Variants in RNF213 observed in about 807,000 individuals in gnomAD.
RNF213 encodes E3 ubiquitin-protein ligase RNF213.
Under a neutral mutation model 514.4 loss-of-function variants are expected in RNF213, and 341 were observed. That is an observed-to-expected ratio of 0.66 (90% CI 0.61 to 0.73). The LOEUF (loss-of-function observed/expected upper bound fraction) is 0.73. Ranked by LOEUF, RNF213 falls within the 30% of genes least tolerant of loss-of-function variation. The pLI, the probability that RNF213 is intolerant of heterozygous loss-of-function variation, is 0.00. For missense variants in RNF213, 5,767 were observed against 6,615.6 expected (o/e 0.87, Z 4.45); for synonymous variants, 2,655 against 2,658.2 (o/e 1.00, Z 0.04).
intron 42 of RNF213, among the ~76,000 whole-genome samples, chr17:80,367,179 T>C (rs1288454529): frequency 6.6e-6 from 1 of 152,196 alleles, no homozygotes; most frequent in Non-Finnish European, 1.5e-5. Flanking sequence ...TGATATCAAG[T>C]TTTAAAACAT....
In RNF213 at chr17:80,354,558, A is replaced by G; in HGVS notation, c.10844A>G (p.Gln3615Arg). ...AREACNQDALQEAGTFRHTLW... is the reference protein window; with the variant it reads ...AREACNQDALREAGTFRHTLW... ...GAAGCCTGCAACCAGGACGCTCTCC[A>G]GGAGGCGGGCACATTCAGGTACTGT... The change falls in exon 36 of 68, where the codon CAG becomes CGG. Residue 3615 changes from glutamine (Q) to arginine (R), a missense_variant. Gln to Arg is a conservative substitution (Grantham distance 43, BLOSUM62 1). Coordinates refer to ENST00000582970, the MANE Select transcript of RNF213 (RefSeq NM_001256071.3). The G allele has an allele frequency of 6.2e-7, 1 of 1,614,238 alleles. No homozygotes were observed. The highest frequency in any genetic ancestry group is 8.5e-7 in the Non-Finnish European group (1 of 1,180,038).
At chr17:80,304,801 C>T (rs1345604921) in intron 11 of RNF213, among the ~76,000 whole-genome samples, 9 of 152,210 alleles carry the variant, frequency 5.9e-5, no homozygotes, top group South Asian at 4.1e-4. Context: ...GCTGTGTAGC[C>T]GTCAGCACCA....
At position 80,358,378 on chromosome 17, in the gene RNF213, A is replaced by G. The variant is rs1159699093; in HGVS notation, c.10953A>G (p.Leu3651=). The stretch of plus-strand genomic sequence containing the variant: ...TCGACAGAGACGGCAACCTAGAGTT[A>G]CTGACCAGGCCAGATACTCCGCCCT... The part of the protein sequence containing the change: ...SFIDRDGNLE[L]LTRPDTPPWA... The change falls in exon 37 of 68, where the codon TTA becomes TTG. Residue 3651 remains leucine, a synonymous_variant. Transcript: ENST00000582970. The G allele has an allele frequency of 1.2e-6, 2 of 1,614,142 alleles. No homozygotes were observed. Among genetic ancestry groups the G allele is most frequent in the Non-Finnish European group, 1.7e-6 (2 of 1,179,984 alleles).
chr17:80,294,830 A>T lies in RNF213; in HGVS notation c.1582A>T (p.Ile528Phe), dbSNP rs758918116. The change falls in exon 9 of 68, where the codon ATT becomes TTT. Residue 528 changes from isoleucine to phenylalanine, a missense_variant. Ile to Phe is a conservative substitution (Grantham distance 21). Transcript: ENST00000582970. ...GAAGGACCTGGTGAAGGGGAAGCAG[A>T]TTGCCGCTGCGCTCATGCTGGACAG... ...PRKDLVKGKQ[I>F]AAALMLDSTF... 1 of 1,614,172 alleles carries T rather than the reference A, an allele frequency of 6.2e-7. No individual in the cohort carries two copies. Among genetic ancestry groups the T allele is most frequent in the Admixed American group, 1.7e-5 (1 of 60,004 alleles).
At chr17:80,354,691 CCT>C in intron 36 of RNF213, 115 bp downstream of exon 36, 1 of 1,327,900 alleles carries the variant, frequency 7.5e-7, no homozygotes, top group South Asian at 1.2e-5. Context: ...TCTTTCCAAA[CCT>C]CTCAGCCATT....
intron 9 of RNF213, 46 bp downstream of exon 9, chr17:80,295,049 C>T (rs1039475440): frequency 1.2e-6 from 2 of 1,611,456 alleles, no homozygotes; most frequent in Admixed American, 1.7e-5. Context: ...GCAGGAGCCA[C>T]ACCTGACCTG....
In RNF213 at chr17:80,373,121, C is replaced by A. The variant is rs754498093; in HGVS notation, c.12898C>A (p.Arg4300Ser). 2.5e-6 allele frequency: 4 copies of A among 1,613,134 alleles called. No individual in the cohort carries two copies. Among genetic ancestry groups the A allele is most frequent in the Admixed American group, 3.3e-5 (2 of 59,986 alleles). The change falls in exon 49 of 68, where the codon CGC (arginine) becomes AGC (serine). Residue 4300 changes from arginine (R) to serine (S), a missense_variant. Transcript: ENST00000582970. ...EFVQGLSKPGRPHQWVFPKDV... is the reference protein window; with the variant it reads ...EFVQGLSKPGSPHQWVFPKDV... ...CGTGCAGGGCCTCTCCAAGCCCGGC[C>A]GCCCGCACCAGTGGGTGTTTCCCAA...
At chr17:80,335,814 A>G (rs1319399899) in intron 22 of RNF213, among the ~76,000 whole-genome samples, 1 of 152,038 alleles carries the variant, frequency 6.6e-6, no homozygotes. Flanking sequence ...GGTCTCTACT[A>G]AAAATACAAA....
In RNF213 at chr17:80,332,356, C is replaced by A. The variant is rs1003266594; in HGVS notation, c.3868C>A (p.His1290Asn). ...TTCTTACAGAAAGTTCATTAAGTTG[C>A]ACCAGGATCTAAAGTCAGGAGAGGT... Reference protein sequence around the residue: ...QPSYRKFIKLHQDLKSGEVTL... With the variant: ...QPSYRKFIKLNQDLKSGEVTL... Residue 1290 changes from histidine to asparagine, a missense_variant, in exon 21 of 68, where the codon CAC becomes AAC. His to Asn is a moderately conservative substitution (Grantham distance 68, BLOSUM62 1). Coordinates refer to ENST00000582970, the MANE Select transcript of RNF213 (RefSeq NM_001256071.3). The A allele has an allele frequency of 2.6e-6, 4 of 1,537,060 alleles. No homozygotes were observed. The East Asian group carries it at 9.8e-5, about 38-fold the overall frequency.
Position 80,384,955 on chromosome 17 carries a change from T to C in RNF213, c.14323-84T>C, listed in dbSNP as rs1389644053. ...CCAGATTAAGCTACAAATACAAGTC[T>C]CGCAGCCAGTCTCAAAGTCTGTAAC... On this transcript the variant is annotated intron_variant, in intron 59 of 67. Transcript: ENST00000582970. 7 of 1,400,892 alleles carry C rather than the reference T, an allele frequency of 5.0e-6. No homozygotes were observed. In the Admixed American group the frequency reaches 1.0e-4, roughly 20 times the overall value. The allele number at this position is 1,400,892 out of a possible 1,614,324, so 86.8% of individuals were successfully genotyped here.
At position 80,363,638 on chromosome 17, in the gene RNF213, C is replaced by A. The variant is rs1481610208; in HGVS notation, c.11598C>A (p.Cys3866Ter). The A allele has an allele frequency of 6.2e-7, 1 of 1,613,886 alleles. No individual in the cohort carries two copies. The highest frequency in any genetic ancestry group is 8.5e-7 in the Non-Finnish European group (1 of 1,180,048). Residue 3866 changes from cysteine (C) to a stop codon, truncating the protein, a stop_gained, in exon 41 of 68, where the codon TGC becomes TGA. Transcript: ENST00000582970. LOFTEE classifies it high-confidence loss of function. ...TGGACGCATTTGCCGCAATGGCCTGCACGGAGATGCTGACAAGAAACACCC... is the reference window on the plus strand; with the variant it reads ...TGGACGCATTTGCCGCAATGGCCTGAACGGAGATGCTGACAAGAAACACCC... ...MTLDAFAAMA[C>*]TEMLTRNTLK...
rs964840998 is a variant in RNF213 at position 80,373,003 on chromosome 17, G to A, written c.12780G>A (p.Leu4260=). 1.2e-6 allele frequency: 2 copies of A among 1,613,950 alleles called. No individual in the cohort carries two copies. The highest frequency in any genetic ancestry group is 1.7e-6 in the Non-Finnish European group (2 of 1,179,990). ...PEMAKEKQCY[L]QQVKQFCIRV... is the part of the protein sequence containing the mutation. The stretch of plus-strand genomic sequence containing the variant: ...TGGCCAAGGAGAAGCAGTGCTACCT[G>A]CAGCAAGTCAAGCAGTTCTGTATCC... The change falls in exon 49 of 68, where the codon CTG becomes CTA. Residue 4260 remains leucine (L), a synonymous_variant. Coordinates refer to ENST00000582970, the MANE Select transcript of RNF213 (RefSeq NM_001256071.3).
At chr17:80,316,942 G>T (rs567296495) in intron 15 of RNF213, among the ~76,000 whole-genome samples, 35 of 152,296 alleles carry the variant, frequency 2.3e-4, no homozygotes, top group Admixed American at 1.3e-3. Flanking sequence ...AGAATAAAAA[G>T]CCGGTTGTGC....
At chr17:80,391,242 T>C (rs2080460431) in intron 67 of RNF213, among the ~76,000 whole-genome samples, 2 of 152,216 alleles carry the variant, frequency 1.3e-5, no homozygotes, top group Admixed American at 1.3e-4. Flanking sequence ...TTTATATTTA[T>C]CACCCATTTG....
intron 2 of RNF213, among the ~76,000 whole-genome samples, chr17:80,269,438 A>G (rs577843819): frequency 6.8e-6 from 1 of 146,532 alleles, no homozygotes; most frequent in Non-Finnish European, 1.5e-5. Flanking sequence ...CATCTATTCT[A>G]TCTATCCATC....
At chr17:80,284,021 C>T (rs2044386339) in intron 3 of RNF213, among the ~76,000 whole-genome samples, 3 of 151,130 alleles carry the variant, frequency 2.0e-5, no homozygotes, top group African/African-American at 7.3e-5. Flanking sequence ...GTCAGGAGTT[C>T]AAGACTAGCT....
intron 3 of RNF213, among the ~76,000 whole-genome samples, chr17:80,281,665 AC>A (rs201224867): frequency 6.7e-6 from 1 of 148,580 alleles, no homozygotes; most frequent in Non-Finnish European, 1.5e-5. Context: ...ACTCACACAC[AC>A]CCCAACATAC....
Position 80,290,697 on chromosome 17 carries a change from G to T in RNF213, c.1240G>T (p.Asp414Tyr), listed in dbSNP as rs773634303. The T allele has an allele frequency of 2.5e-6, 4 of 1,614,086 alleles. No homozygotes were observed. The African/African-American group carries it at 5.3e-5, about 22-fold the overall frequency. Reference protein sequence around the residue: ...GGEEFGESKWDSNICELHYTR... With the variant: ...GGEEFGESKWYSNICELHYTR... The stretch of plus-strand genomic sequence containing the variant: ...AGAAGAATTTGGGGAGTCAAAATGG[G>T]ACAGCAATATCTGTGAGCTGCACTA... The change falls in exon 7 of 68, where the codon GAC (aspartate) becomes TAC (tyrosine). Residue 414 changes from aspartate to tyrosine, a missense_variant. Physicochemically the swap from Asp to Tyr is radical, Grantham distance 160. This residue lies in a region of RNF213 where 592 missense variants were observed against 673.9 expected (regional missense o/e 0.88). Transcript: ENST00000582970.
Position 80,376,437 on chromosome 17 carries a change from G to C in RNF213, c.13322G>C (p.Gly4441Ala). 6.2e-7 allele frequency: 1 copy of C among 1,614,210 alleles called. No individual in the cohort carries two copies. Among genetic ancestry groups the C allele is most frequent in the Non-Finnish European group, 8.5e-7 (1 of 1,180,048 alleles). ...GGGCCTAGTGACAGCAACCTTGATG[G>C]AACGGTGACAGAAATGGCCATTCAT... is the stretch of plus-strand genomic sequence containing the variant. The part of the protein sequence containing the change: ...RAGPSDSNLD[G>A]TVTEMAIHAA... Residue 4441 changes from glycine to alanine, a missense_variant, in exon 52 of 68, where the codon GGA (glycine) becomes GCA (alanine). Transcript: ENST00000582970.
Sources: allele counts gnomAD v4.1 joint callset (sites outside exome capture counted in the v4.1 genomes callset), GRCh38; gene constraint gnomAD v4.1.1; regional missense constraint gnomAD v4.1.1; transcripts MANE v1.5; gene names NCBI Gene and HGNC (gene_info 2026-07-23, HGNC 2026-07-21).